Variants in SOX6 observed in about 807,000 individuals in gnomAD.
The protein encoded by SOX6 is transcription factor SOX-6.
A neutral mutation model predicts 97.8 loss-of-function variants in SOX6; 11 were observed. That is an observed-to-expected ratio of 0.11 (90% CI 0.07 to 0.19). The LOEUF is 0.19. SOX6 is among the 10% of genes least tolerant of loss of function. The pLI, the probability that SOX6 is intolerant of heterozygous loss-of-function variation, is 1.00. For synonymous variants in SOX6, 360 were observed against 371.4 expected (o/e 0.97, Z 0.35); for missense variants, 810 against 1,039.5 (o/e 0.78, Z 3.04).
intron 1 of SOX6, among the ~76,000 whole-genome samples, chr11:16,347,668 T>C (rs761395273): frequency 3.9e-5 from 6 of 152,130 alleles, no homozygotes; most frequent in Non-Finnish European, 7.4e-5. Flanking sequence ...GAAGCCCAAG[T>C]ACAGGATATC....
chr11:16,580,330 T>C (rs1479800873), intron 4 of SOX6, among the ~76,000 whole-genome samples: 2 of 152,272 alleles, frequency 1.3e-5, no homozygotes, highest in Non-Finnish European at 2.9e-5. Context: ...GTTCTAGTAA[T>C]ATATTCTTTA....
intron 15 of SOX6, among the ~76,000 whole-genome samples, chr11:15,980,620 T>A (rs1853626764): frequency 1.3e-5 from 2 of 152,010 alleles, no homozygotes; most frequent in Non-Finnish European, 1.5e-5. Context: ...AGCCTTAGGC[T>A]GCTTCTTTTT....
At chr11:16,240,491 TA>T (rs752799823) in intron 3 of SOX6, among the ~76,000 whole-genome samples, 3 of 152,052 alleles carry the variant, frequency 2.0e-5, no homozygotes, top group Non-Finnish European at 2.9e-5. Flanking sequence ...AATTCTTAGA[TA>T]TTTTTTTCAT....
chr11:16,593,847 T>C (rs1340818939), intron 4 of SOX6, among the ~76,000 whole-genome samples: 1 of 152,174 alleles, frequency 6.6e-6, no homozygotes, highest in African/African-American at 2.4e-5. Flanking sequence ...CCGGGTGTGC[T>C]GATTCAAAAG....
intron 4 of SOX6, among the ~76,000 whole-genome samples, chr11:16,490,364 AG>A (rs1270708321): frequency 2.0e-5 from 3 of 151,986 alleles, no homozygotes; most frequent in African/African-American, 7.2e-5. Context: ...ATGACCCCCT[AG>A]GTATACTCCT....
At chr11:16,420,794 A>G (rs954366127) in intron 1 of SOX6, among the ~76,000 whole-genome samples, 15 of 152,272 alleles carry the variant, frequency 9.9e-5, no homozygotes, top group African/African-American at 3.6e-4. Flanking sequence ...ACTGCTTAGA[A>G]TACACCATTG....
chr11:16,094,251 T>C (rs1848748949), intron 9 of SOX6, among the ~76,000 whole-genome samples: 1 of 151,392 alleles, frequency 6.6e-6, no homozygotes, highest in Non-Finnish European at 1.5e-5. Context: ...GACATCATGG[T>C]TTCCAGAAAC....
At chr11:16,101,297 C>T (rs962831329) in intron 7 of SOX6, among the ~76,000 whole-genome samples, 2 of 151,514 alleles carry the variant, frequency 1.3e-5, no homozygotes, top group Non-Finnish European at 3.0e-5. Context: ...TAAATGTTAG[C>T]AGGTAATAGG....
At chr11:16,466,438 T>C (rs1490857627) in intron 1 of SOX6, among the ~76,000 whole-genome samples, 1 of 152,182 alleles carries the variant, frequency 6.6e-6, no homozygotes, top group Non-Finnish European at 1.5e-5. Flanking sequence ...TCACATCTTA[T>C]AGATCACTGT....
At chr11:16,321,659 T>C (rs73423292) in intron 2 of SOX6, among the ~76,000 whole-genome samples, 50 of 152,146 alleles carry the variant, frequency 3.3e-4, no homozygotes, top group African/African-American at 1.2e-3. Context: ...AGCCCCATAA[T>C]CTGTGCAAAG....
At chr11:16,083,833 ATCCCATTTG>A (rs2133958674) in intron 9 of SOX6, among the ~76,000 whole-genome samples, 1 of 152,146 alleles carries the variant, frequency 6.6e-6, no homozygotes, top group Admixed American at 6.5e-5. Flanking sequence ...ATTTTTCCTA[ATCCCATTTG>A]ATAAAAGCTA....
chr11:16,086,073 C>T lies in SOX6; in HGVS notation c.1101+9923G>A, dbSNP rs1006243165. On this transcript the variant is annotated intron_variant, in intron 9 of 15. Transcript: ENST00000683767. Reference sequence around the variant, plus strand: ...CTTTTTTAACTAGATGCTGAATCTTCTATGGCACAACTTGAACAAACTCTA... The same window carrying T: ...CTTTTTTAACTAGATGCTGAATCTTTTATGGCACAACTTGAACAAACTCTA... 4.8e-4 allele frequency among the ~76,000 whole-genome samples: 73 copies of T among 152,150 alleles called. 1 individual carries two copies. The highest frequency in any genetic ancestry group is 1.5e-3 in the African/African-American group (62 of 41,436).
At chr11:16,176,251 T>C (rs1851183587) in intron 6 of SOX6, among the ~76,000 whole-genome samples, 1 of 151,892 alleles carries the variant, frequency 6.6e-6, no homozygotes, top group Non-Finnish European at 1.5e-5. Flanking sequence ...TATAAACTTT[T>C]CAATACTCTC....
chr11:16,571,800 C>T (rs35384953), intron 4 of SOX6, among the ~76,000 whole-genome samples: 22,668 of 152,052 alleles, frequency 0.15, 1,768 homozygotes, highest in Non-Finnish European at 0.16. Context: ...TACAGGAGCA[C>T]TCTGCCACGT....
At position 16,052,138 on chromosome 11, in the gene SOX6, T is replaced by A. The variant is rs578215609; in HGVS notation, c.1252-2200A>T. On this transcript the variant is annotated intron_variant, in intron 10 of 15. Coordinates refer to ENST00000683767, the MANE Select transcript of SOX6 (RefSeq NM_001367873.1). ...TTTTTTAACTTTGAAATACTCTAAT[T>A]TTTTACTTAGTTTTATAATTCAGTA... Among the ~76,000 whole-genome samples, 29 of 152,126 alleles carry A rather than the reference T, an allele frequency of 1.9e-4. 1 individual carries two copies. The highest frequency in any genetic ancestry group is 4.0e-4 in the Non-Finnish European group (27 of 68,018).
At chr11:16,498,225 T>G (rs1177308770) in intron 4 of SOX6, among the ~76,000 whole-genome samples, 1 of 152,124 alleles carries the variant, frequency 6.6e-6, no homozygotes, top group African/African-American at 2.4e-5. Flanking sequence ...CTAAGCTTCA[T>G]AAGTGAAGGA....
intron 3 of SOX6, chr11:16,318,035 A>G (rs1397574060): frequency 2.4e-6 from 1 of 420,310 alleles, no homozygotes; most frequent in Non-Finnish European, 4.7e-6. Flanking sequence ...ATATATTTAT[A>G]AAAATGAAGA....
At chr11:16,422,152 G>T (rs1370551858) in intron 1 of SOX6, among the ~76,000 whole-genome samples, 1 of 152,152 alleles carries the variant, frequency 6.6e-6, no homozygotes, top group Non-Finnish European at 1.5e-5. Context: ...GTTGGTATGA[G>T]CTATTAAAAT....
intron 6 of SOX6, among the ~76,000 whole-genome samples, chr11:16,153,823 T>C (rs1376289255): frequency 6.6e-6 from 1 of 152,068 alleles, no homozygotes; most frequent in Admixed American, 6.6e-5. Flanking sequence ...GAGGAAAATC[T>C]AAGCATTTTT....
Sources: allele counts gnomAD v4.1 joint callset (sites outside exome capture counted in the v4.1 genomes callset), GRCh38; gene constraint gnomAD v4.1.1; transcripts MANE v1.5; gene names NCBI Gene and HGNC (gene_info 2026-07-23, HGNC 2026-07-21).